ADK: variants seen among roughly 807,000 people sequenced by gnomAD.
The protein encoded by ADK is N6,N6-dimethyladenosine kinase.
In ADK, 24 loss-of-function variants were observed where a neutral mutation model predicts 44.7. The ratio of observed to expected loss-of-function variants is 0.54; its 90% CI spans 0.39 to 0.76. The LOEUF is 0.76. Among genes scored for constraint, ADK ranks in the 30% least tolerant of loss-of-function variants. The probability of loss-of-function intolerance (pLI) is 0.00; values close to 1 mark genes in which losing one functional copy is unlikely to be tolerated. For synonymous variants in ADK, 128 were observed against 142.6 expected (o/e 0.90, Z 0.73); for missense variants, 321 against 425.1 (o/e 0.76, Z 2.15).
At chr10:74,684,293 A>C (rs777755098) in intron 10 of ADK, among the ~76,000 whole-genome samples, 1 of 152,208 alleles carries the variant, frequency 6.6e-6, no homozygotes, top group Non-Finnish European at 1.5e-5. Flanking sequence ...GTGACTTGTT[A>C]AATATATGAA....
intron 2 of ADK, among the ~76,000 whole-genome samples, chr10:74,208,392 C>T (rs1191358895): frequency 6.6e-6 from 1 of 152,248 alleles, no homozygotes; most frequent in Non-Finnish European, 1.5e-5. Flanking sequence ...TCTAGACAGC[C>T]TGCTGCTGCC....
At chr10:74,592,629 G>C (rs536929820) in intron 8 of ADK, among the ~76,000 whole-genome samples, 2 of 151,848 alleles carry the variant, frequency 1.3e-5, no homozygotes, top group African/African-American at 2.4e-5. Flanking sequence ...GCTCATAGGG[G>C]AAACAAAGCA....
intron 6 of ADK, among the ~76,000 whole-genome samples, chr10:74,524,875 T>A (rs912757163): frequency 2.6e-5 from 4 of 152,100 alleles, no homozygotes; most frequent in African/African-American, 9.7e-5. Flanking sequence ...TCAAAAAATA[T>A]ATATTCCAAA....
intron 3 of ADK, among the ~76,000 whole-genome samples, chr10:74,304,243 C>CTT (rs952118085): frequency 2.1e-5 from 3 of 144,010 alleles, no homozygotes; most frequent in Non-Finnish European, 4.6e-5. Context: ...TCATTTACTT[C>CTT]TTTTTTTTTT....
intron 10 of ADK, among the ~76,000 whole-genome samples, chr10:74,683,620 G>T (rs528537256): frequency 6.6e-6 from 1 of 152,234 alleles, no homozygotes; most frequent in Admixed American, 6.5e-5. Flanking sequence ...GAAATGACAT[G>T]AAAAATACCA....
intron 7 of ADK, among the ~76,000 whole-genome samples, chr10:74,587,121 T>C (rs1044587802): frequency 2.0e-5 from 3 of 152,132 alleles, no homozygotes; most frequent in Admixed American, 1.3e-4. Flanking sequence ...AAATAAGTGG[T>C]TCTAGTATAG....
At chr10:74,330,349 T>C (rs1165857475) in intron 4 of ADK, among the ~76,000 whole-genome samples, 2 of 152,094 alleles carry the variant, frequency 1.3e-5, no homozygotes, top group Admixed American at 6.5e-5. Flanking sequence ...GAGTTTGAGG[T>C]TGCAGTATGC....
intron 8 of ADK, among the ~76,000 whole-genome samples, chr10:74,589,675 G>C (rs1851650174): frequency 6.6e-6 from 1 of 152,156 alleles, no homozygotes; most frequent in South Asian, 2.1e-4. Context: ...AGGATTCACT[G>C]CTAAAGCAGT....
chr10:74,507,946 G>A (rs577711808), intron 6 of ADK, among the ~76,000 whole-genome samples: 36 of 152,228 alleles, frequency 2.4e-4, no homozygotes, highest in African/African-American at 8.2e-4. Flanking sequence ...TGACATGTTG[G>A]TAAATTCTAA....
intron 6 of ADK, among the ~76,000 whole-genome samples, chr10:74,476,788 C>A (rs553040188): frequency 6.6e-6 from 1 of 152,146 alleles, no homozygotes; most frequent in East Asian, 1.9e-4. Context: ...TGCTCCTTTA[C>A]GGTAGTTGGT....
At chr10:74,483,435 T>C (rs1847146256) in intron 6 of ADK, among the ~76,000 whole-genome samples, 1 of 152,162 alleles carries the variant, frequency 6.6e-6, no homozygotes, top group African/African-American at 2.4e-5. Flanking sequence ...GTCTCTGAAA[T>C]ACCTTAGCAG....
intron 3 of ADK, among the ~76,000 whole-genome samples, chr10:74,229,052 G>A (rs1291052196): frequency 6.6e-6 from 1 of 152,126 alleles, no homozygotes; most frequent in Non-Finnish European, 1.5e-5. Flanking sequence ...GATAGTGAAT[G>A]AATTCCATTA....
At chr10:74,526,341 T>G (rs763498271) in intron 7 of ADK, among the ~76,000 whole-genome samples, 2 of 152,234 alleles carry the variant, frequency 1.3e-5, no homozygotes, top group Non-Finnish European at 2.9e-5. Context: ...CTTATTTACT[T>G]TGATTGCTTG....
chr10:74,581,504 T>G (rs2133896148), intron 7 of ADK, among the ~76,000 whole-genome samples: 1 of 152,236 alleles, frequency 6.6e-6, no homozygotes, highest in East Asian at 1.9e-4. Context: ...AAAAAATATT[T>G]GAAGACATAA....
intron 9 of ADK, among the ~76,000 whole-genome samples, chr10:74,615,770 G>A (rs182949038): frequency 6.4e-4 from 98 of 152,060 alleles, no homozygotes; most frequent in African/African-American, 2.1e-3. Context: ...GTGCAGTGGC[G>A]GGATCTCGGC....
At chr10:74,177,963 CAG>C (rs1332557174) in intron 1 of ADK, among the ~76,000 whole-genome samples, 7 of 80,436 alleles carry the variant, frequency 8.7e-5, no homozygotes, top group Middle Eastern at 0.011. Flanking sequence ...TTTTTTGAGA[CAG>C]AGTTTCGCTC....
chr10:74,662,651 A>C (rs577985482), intron 9 of ADK, among the ~76,000 whole-genome samples: 1 of 152,174 alleles, frequency 6.6e-6, no homozygotes, highest in Non-Finnish European at 1.5e-5. Context: ...CCCATTTTAC[A>C]TAGAATGAAA....
At chr10:74,317,090 T>C (rs1399644166) in intron 4 of ADK, among the ~76,000 whole-genome samples, 2 of 152,188 alleles carry the variant, frequency 1.3e-5, no homozygotes, top group East Asian at 3.9e-4. Context: ...CCAAAGCTCT[T>C]AGGTATTTTG....
At chr10:74,651,090 T>C (rs113564588) in intron 9 of ADK, among the ~76,000 whole-genome samples, 1 of 151,960 alleles carries the variant, frequency 6.6e-6, no homozygotes, top group Non-Finnish European at 1.5e-5. Flanking sequence ...ATATTTGGGG[T>C]GGTGGTGGGG....
Sources: gnomAD v4.1 joint callset for allele counts (sites outside exome capture counted in the v4.1 genomes callset) on GRCh38, gnomAD v4.1.1 for gene constraint, MANE v1.5 for transcripts, NCBI Gene and HGNC (gene_info 2026-07-23, HGNC 2026-07-21) for gene names.